The following NRXN3 variants were observed in gnomAD, a reference collection of about 807,000 sequenced individuals.
The protein encoded by NRXN3 is neurexin 3.
A neutral mutation model predicts 137.6 loss-of-function variants in NRXN3; 32 were observed. The ratio of observed to expected loss-of-function variants is 0.23; its 90% CI spans 0.18 to 0.31. The LOEUF (loss-of-function observed/expected upper bound fraction) is 0.31. Ranked by LOEUF, NRXN3 falls within the 10% of genes least tolerant of loss-of-function variation. The probability of loss-of-function intolerance (pLI) is 1.00; values close to 1 mark genes in which losing one functional copy is unlikely to be tolerated. For synonymous variants in NRXN3, 798 were observed against 784.5 expected (o/e 1.02, Z -0.29); for missense variants, 1,574 against 2,062.5 (o/e 0.76, Z 4.59).
At chr14:79,226,956 G>A (rs886186619) in intron 15 of NRXN3, among the ~76,000 whole-genome samples, 1 of 150,766 alleles carries the variant, frequency 6.6e-6, no homozygotes, top group African/African-American at 2.4e-5. Context: ...GAATAGCTAG[G>A]ATTACAGGCA....
intron 19 of NRXN3, among the ~76,000 whole-genome samples, chr14:79,708,295 T>C (rs939209362): frequency 8.5e-5 from 13 of 152,184 alleles, no homozygotes; most frequent in African/African-American, 2.9e-4. Flanking sequence ...TGATTTAAAA[T>C]GCACAGGAAG....
At chr14:79,840,326 C>CT (rs1166062551) in intron 20 of NRXN3, among the ~76,000 whole-genome samples, 1 of 152,104 alleles carries the variant, frequency 6.6e-6, no homozygotes, top group Non-Finnish European at 1.5e-5. Flanking sequence ...TCCACTGCCC[C>CT]TAGCAGACAG....
chr14:79,157,235 C>G (rs1462336315), intron 15 of NRXN3, among the ~76,000 whole-genome samples: 2 of 151,714 alleles, frequency 1.3e-5, no homozygotes, highest in Non-Finnish European at 2.9e-5. Context: ...AAAATGATTG[C>G]ATATTGACAT....
intron 15 of NRXN3, among the ~76,000 whole-genome samples, chr14:79,211,352 T>G (rs2067635789): frequency 2.0e-5 from 3 of 152,212 alleles, no homozygotes; most frequent in Non-Finnish European, 2.9e-5. Flanking sequence ...ATGAAAATAC[T>G]TCCTTGCTTA....
At chr14:78,984,036 A>C (rs2099496581) in intron 14 of NRXN3, among the ~76,000 whole-genome samples, 1 of 152,018 alleles carries the variant, frequency 6.6e-6, no homozygotes, top group Non-Finnish European at 1.5e-5. Context: ...GAAATAGAGA[A>C]TAGAATAGTG....
intron 15 of NRXN3, among the ~76,000 whole-genome samples, chr14:79,423,954 T>C (rs1375842020): frequency 2.0e-5 from 3 of 152,220 alleles, no homozygotes; most frequent in African/African-American, 7.2e-5. Context: ...ATGGGAATGC[T>C]GTAGGTAGCC....
At chr14:79,409,617 CTATATATATATA>C (rs796485268) in intron 15 of NRXN3, among the ~76,000 whole-genome samples, 11 of 112,112 alleles carry the variant, frequency 9.8e-5, no homozygotes, top group Non-Finnish European at 2.1e-4. Flanking sequence ...GTGTGTGTGT[CTATATATATATA>C]TATATATATA....
chr14:78,361,493 T>C (rs2085109538), intron 4 of NRXN3, among the ~76,000 whole-genome samples: 1 of 152,210 alleles, frequency 6.6e-6, no homozygotes, highest in African/African-American at 2.4e-5. Flanking sequence ...ATGGATGATT[T>C]AATGGGTCAT....
chr14:79,374,597 T>C (rs559001005), intron 15 of NRXN3, among the ~76,000 whole-genome samples: 2 of 152,146 alleles, frequency 1.3e-5, no homozygotes, highest in East Asian at 3.9e-4. Flanking sequence ...AGCAGACCCC[T>C]TATCTTGACT....
chr14:79,129,947 T>A (rs2152956213), intron 15 of NRXN3, among the ~76,000 whole-genome samples: 2 of 150,474 alleles, frequency 1.3e-5, no homozygotes. Context: ...CTTCTTTGTC[T>A]CTTTTGATTT....
chr14:79,630,357 T>C (rs2098332061), intron 16 of NRXN3, among the ~76,000 whole-genome samples: 1 of 152,222 alleles, frequency 6.6e-6, no homozygotes, highest in South Asian at 2.1e-4. Context: ...TTTGGTAACC[T>C]GTGACTCACA....
chr14:79,100,961 C>A (rs2051173395), intron 15 of NRXN3, among the ~76,000 whole-genome samples: 1 of 152,118 alleles, frequency 6.6e-6, no homozygotes, highest in Non-Finnish European at 1.5e-5. Context: ...GAAACAGAAG[C>A]TCTACTACTA....
At chr14:78,994,599 T>A (rs1374956549) in intron 15 of NRXN3, among the ~76,000 whole-genome samples, 1 of 152,188 alleles carries the variant, frequency 6.6e-6, no homozygotes, top group African/African-American at 2.4e-5. Context: ...AAAAGTTTGA[T>A]TTGTAATGTG....
intron 4 of NRXN3, among the ~76,000 whole-genome samples, chr14:78,626,435 GTTA>G (rs1333491673): frequency 6.6e-6 from 1 of 151,988 alleles, no homozygotes; most frequent in African/African-American, 2.4e-5. Context: ...GGCATCAATC[GTTA>G]TTATTTTTTC....
intron 8 of NRXN3, among the ~76,000 whole-genome samples, chr14:78,721,636 C>A (rs2098460255): frequency 6.6e-6 from 1 of 152,052 alleles, no homozygotes; most frequent in African/African-American, 2.4e-5. Context: ...AAAATGAATA[C>A]CTTGGTGTAC....
chr14:78,172,892 A>C (rs1430611632), intron 1 of NRXN3, among the ~76,000 whole-genome samples: 1 of 152,116 alleles, frequency 6.6e-6, no homozygotes, highest in Non-Finnish European at 1.5e-5. Flanking sequence ...CCTATTATTA[A>C]TTATTGGGGT....
intron 4 of NRXN3, among the ~76,000 whole-genome samples, chr14:78,342,803 C>T (rs1042733828): frequency 2.0e-5 from 3 of 152,152 alleles, no homozygotes; most frequent in African/African-American, 7.2e-5. Context: ...AGCACACTTG[C>T]TATGTGTTTT....
chr14:78,533,247 G>T (rs900235583), intron 4 of NRXN3, among the ~76,000 whole-genome samples: 1 of 151,346 alleles, frequency 6.6e-6, no homozygotes, highest in East Asian at 1.9e-4. Context: ...CACCACGCCC[G>T]GCTAATTTTT....
At chr14:78,366,938 G>C (rs1482206895) in intron 4 of NRXN3, among the ~76,000 whole-genome samples, 24 of 152,184 alleles carry the variant, frequency 1.6e-4, no homozygotes, top group Admixed American at 1.6e-3. Flanking sequence ...CGTGGCACCA[G>C]CTCTTCAGGG....
Sources: allele counts gnomAD v4.1 joint callset (sites outside exome capture counted in the v4.1 genomes callset), GRCh38; gene constraint gnomAD v4.1.1; transcripts MANE v1.5; gene names NCBI Gene and HGNC (gene_info 2026-07-23, HGNC 2026-07-21).